The following OSBPL6 variants were observed in gnomAD, a reference collection of about 807,000 sequenced individuals.
OSBPL6 encodes oxysterol binding protein like 6, also known as oxysterol-binding protein-related protein 6.
In OSBPL6, 49 loss-of-function variants were observed where a neutral mutation model predicts 125.8. The ratio of observed to expected loss-of-function variants is 0.39; its 90% CI spans 0.31 to 0.49. OSBPL6 has a LOEUF of 0.49. Ranked by LOEUF, OSBPL6 falls within the 20% of genes least tolerant of loss-of-function variation. The pLI, the probability that OSBPL6 is intolerant of heterozygous loss-of-function variation, is 0.88. For synonymous variants in OSBPL6, 394 were observed against 391.8 expected (o/e 1.01, Z -0.07); for missense variants, 986 against 1,135.4 (o/e 0.87, Z 1.89).
chr2:178,300,051 GAAT>G, intron 2 of OSBPL6, among the ~76,000 whole-genome samples: 1 of 152,176 alleles, frequency 6.6e-6, no homozygotes, highest in African/African-American at 2.4e-5. Flanking sequence ...GCTTCAAACA[GAAT>G]AATACAATGT....
At chr2:178,329,168 T>G (rs1004771894) in intron 5 of OSBPL6, among the ~76,000 whole-genome samples, 1 of 152,162 alleles carries the variant, frequency 6.6e-6, no homozygotes, top group African/African-American at 2.4e-5. Context: ...ATTCCTAGAA[T>G]TATTGTTACC....
At chr2:178,303,568 G>A (rs1686483890) in intron 2 of OSBPL6, among the ~76,000 whole-genome samples, 1 of 152,068 alleles carries the variant, frequency 6.6e-6, no homozygotes, top group Admixed American at 6.6e-5. Context: ...TAATATATCT[G>A]TATCATTACC....
At chr2:178,310,412 CTTT>C (rs71023440) in intron 3 of OSBPL6, among the ~76,000 whole-genome samples, 1 of 85,690 alleles carries the variant, frequency 1.2e-5, no homozygotes, top group Non-Finnish European at 2.2e-5. Flanking sequence ...AAACTGAACT[CTTT>C]TTTTTTTTTT....
At chr2:178,198,489 G>T (rs2153930569) in intron 1 of OSBPL6, among the ~76,000 whole-genome samples, 1 of 148,238 alleles carries the variant, frequency 6.7e-6, no homozygotes, top group Non-Finnish European at 1.5e-5. Flanking sequence ...TAGAGAGGGG[G>T]TTTCACCATA....
At chr2:178,194,725 C>G (rs954114210) in intron 1 of OSBPL6, 51 bp downstream of exon 1, 1 of 152,232 alleles carries the variant, frequency 6.6e-6, no homozygotes, top group Admixed American at 6.5e-5. Context: ...CCAAGGTGCC[C>G]GCATCGCGGC....
At chr2:178,202,829 A>C (rs1239524432) in intron 1 of OSBPL6, among the ~76,000 whole-genome samples, 1 of 151,790 alleles carries the variant, frequency 6.6e-6, no homozygotes, top group Admixed American at 6.6e-5. Context: ...CAAAAAAAAA[A>C]AAAAAAGAAA....
chr2:178,243,373 T>C (rs114881712), intron 1 of OSBPL6, among the ~76,000 whole-genome samples: 267 of 152,266 alleles, frequency 1.8e-3, no homozygotes, highest in African/African-American at 5.7e-3. Flanking sequence ...AACTTCTGAG[T>C]TCTTTGTTCA....
At chr2:178,221,415 AC>A (rs2090334772) in intron 1 of OSBPL6, among the ~76,000 whole-genome samples, 1 of 152,216 alleles carries the variant, frequency 6.6e-6, no homozygotes. Flanking sequence ...GCTCTTTAAT[AC>A]GTGACTGGGT....
At chr2:178,294,819 G>GGCAC (rs1685594978) in intron 2 of OSBPL6, among the ~76,000 whole-genome samples, 1 of 148,762 alleles carries the variant, frequency 6.7e-6, no homozygotes, top group Non-Finnish European at 1.5e-5. Flanking sequence ...TAGACTTGAG[G>GGCAC]GCACGGCTGA....
intron 1 of OSBPL6, among the ~76,000 whole-genome samples, chr2:178,265,422 C>T (rs1326304040): frequency 1.3e-5 from 2 of 151,588 alleles, no homozygotes; most frequent in Non-Finnish European, 2.9e-5. Context: ...CTATATTGCC[C>T]AGTCTGGTCT....
chr2:178,329,172 T>G (rs1015260312), intron 5 of OSBPL6, among the ~76,000 whole-genome samples: 4 of 152,192 alleles, frequency 2.6e-5, no homozygotes, highest in African/African-American at 4.8e-5. Context: ...CTAGAATTAT[T>G]GTTACCAGTA....
intron 2 of OSBPL6, among the ~76,000 whole-genome samples, chr2:178,286,360 G>T (rs185206496): frequency 1.8e-3 from 281 of 152,320 alleles, no homozygotes; most frequent in African/African-American, 6.5e-3. Flanking sequence ...GAGTTCAAGA[G>T]TCCTGCTTTA....
chr2:178,375,298 C>A (rs1693757550), intron 15 of OSBPL6, among the ~76,000 whole-genome samples: 1 of 152,178 alleles, frequency 6.6e-6, no homozygotes, highest in African/African-American at 2.4e-5. Flanking sequence ...TGTCTGCCTG[C>A]ACCCCCAGGG....
At chr2:178,378,071 C>T (rs746422916) in intron 15 of OSBPL6, among the ~76,000 whole-genome samples, 8 of 152,164 alleles carry the variant, frequency 5.3e-5, no homozygotes, top group Admixed American at 1.3e-4. Context: ...TCAAGTGATT[C>T]GCCTGCCTCA....
intron 1 of OSBPL6, among the ~76,000 whole-genome samples, chr2:178,260,901 C>G (rs1048776592): frequency 6.6e-6 from 1 of 152,112 alleles, no homozygotes; most frequent in Non-Finnish European, 1.5e-5. Flanking sequence ...ATCCCAGCAC[C>G]TTGGGAGGTT....
chr2:178,270,925 G>A (rs1236199307), intron 1 of OSBPL6, among the ~76,000 whole-genome samples: 2 of 151,938 alleles, frequency 1.3e-5, no homozygotes, highest in African/African-American at 4.8e-5. Context: ...GGAAATAGAG[G>A]GTCAGATAGG....
intron 1 of OSBPL6, among the ~76,000 whole-genome samples, chr2:178,216,063 A>T (rs1371537444): frequency 6.6e-6 from 1 of 152,214 alleles, no homozygotes; most frequent in Non-Finnish European, 1.5e-5. Flanking sequence ...CTAGGCAAGC[A>T]CAAAATCAAT....
At chr2:178,310,412 CTTTTTTTTTTT>C (rs71023440) in intron 3 of OSBPL6, among the ~76,000 whole-genome samples, 3 of 85,690 alleles carry the variant, frequency 3.5e-5, no homozygotes, top group South Asian at 4.4e-4. Flanking sequence ...AAACTGAACT[CTTTTTTTTTTT>C]TTTTTTTTTT....
intron 2 of OSBPL6, among the ~76,000 whole-genome samples, chr2:178,297,671 A>G (rs1353785932): frequency 2.6e-5 from 4 of 152,324 alleles, no homozygotes; most frequent in South Asian, 4.1e-4. Context: ...ACAGTGCAGT[A>G]TATGTTCAGA....
Sources: allele counts gnomAD v4.1 joint callset (sites outside exome capture counted in the v4.1 genomes callset), GRCh38; gene constraint gnomAD v4.1.1; transcripts MANE v1.5; gene names NCBI Gene and HGNC (gene_info 2026-07-23, HGNC 2026-07-21).